The following PPP1R12A variants were observed in gnomAD, a reference collection of about 807,000 sequenced individuals.
PPP1R12A encodes the protein protein phosphatase 1 regulatory subunit 12A.
Under a neutral mutation model 139.6 loss-of-function variants are expected in PPP1R12A, and 19 were observed. That is an observed-to-expected ratio of 0.14 (90% confidence interval 0.09 to 0.20). The LOEUF is 0.20. Ranked by LOEUF, PPP1R12A falls within the 10% of genes least tolerant of loss-of-function variation. The probability of loss-of-function intolerance (pLI) is 1.00; values close to 1 mark genes in which losing one functional copy is unlikely to be tolerated. For missense variants in PPP1R12A, 925 were observed against 1,211.5 expected (o/e 0.76, Z 3.51); for synonymous variants, 427 against 420.6 (o/e 1.02, Z -0.19).
At chr12:79,778,647 C>T in intron 23 of PPP1R12A, 47 bp from the exon 24 acceptor site, 1 of 1,253,248 alleles carries the variant, frequency 8.0e-7, no homozygotes, top group Non-Finnish European at 1.1e-6. Context: ...TTATTATATT[C>T]TTAAGTCTTC....
intron 3 of PPP1R12A, among the ~76,000 whole-genome samples, chr12:79,833,833 C>A (rs1221952722): frequency 7.9e-5 from 10 of 127,092 alleles, no homozygotes; most frequent in African/African-American, 2.8e-4. Flanking sequence ...TGAGACTTTG[C>A]CTCAAAGAAA....
intron 1 of PPP1R12A, among the ~76,000 whole-genome samples, chr12:79,908,496 T>TA (rs1886306215): frequency 6.6e-6 from 1 of 152,228 alleles, no homozygotes; most frequent in South Asian, 2.1e-4. Context: ...ATAGAAGTTC[T>TA]AAACTTGGAA....
intron 1 of PPP1R12A, among the ~76,000 whole-genome samples, chr12:79,876,462 T>C (rs1217758047): frequency 6.6e-6 from 1 of 152,126 alleles, no homozygotes; most frequent in Non-Finnish European, 1.5e-5. Flanking sequence ...GTAGCTTGAA[T>C]AAGTCACACA....
At chr12:79,855,814 A>T (rs2137258280) in intron 2 of PPP1R12A, among the ~76,000 whole-genome samples, 1 of 152,234 alleles carries the variant, frequency 6.6e-6, no homozygotes, top group Non-Finnish European at 1.5e-5. Flanking sequence ...CAAACTTAAA[A>T]TTTATGTTTT....
intron 1 of PPP1R12A, among the ~76,000 whole-genome samples, chr12:79,899,412 C>T (rs550960534): frequency 2.0e-5 from 3 of 152,018 alleles, no homozygotes; most frequent in Non-Finnish European, 2.9e-5. Flanking sequence ...GAGTCAACTA[C>T]TGTTCTGGGT....
intron 8 of PPP1R12A, among the ~76,000 whole-genome samples, chr12:79,820,146 C>T (rs1447875468): frequency 6.6e-6 from 1 of 151,776 alleles, no homozygotes; most frequent in East Asian, 1.9e-4. Context: ...ACAGTGATTG[C>T]CTTTGAAGGA....
chr12:79,788,727 G>C lies in PPP1R12A; in HGVS notation c.2723C>G (p.Ser908Cys). 2 of 1,613,052 alleles carry C rather than the reference G, an allele frequency of 1.2e-6. No individual in the cohort carries two copies. Among genetic ancestry groups the C allele is most frequent in the Non-Finnish European group, 8.5e-7 (1 of 1,179,436 alleles). The change falls in exon 21 of 25, where the codon TCT becomes TGT. Residue 908 changes from serine to cysteine, a missense_variant. Ser to Cys is a moderately radical substitution (Grantham distance 112, BLOSUM62 -1). Around this residue, in one of 4 missense-constraint regions of PPP1R12A, gnomAD observed 315 missense variants for 363.4 expected, o/e 0.87. Coordinates refer to ENST00000450142, the MANE Select transcript of PPP1R12A (RefSeq NM_002480.3). ...TTCTTCTAAGTAACTGTATGATCCA[G>C]AGCGACCCAGCAAGGAATCATATCG... ...GDRYDSLLGR[S>C]GSYSYLEERK... is the part of the protein sequence containing the mutation.
chr12:79,826,551 C>T (rs1405671893), intron 5 of PPP1R12A, among the ~76,000 whole-genome samples: 2 of 151,770 alleles, frequency 1.3e-5, no homozygotes, highest in Non-Finnish European at 2.9e-5. Flanking sequence ...TATCGAATGA[C>T]AGATAAGGAG....
intron 19 of PPP1R12A, among the ~76,000 whole-genome samples, chr12:79,790,966 T>G (rs1172808347): frequency 6.6e-6 from 1 of 152,202 alleles, no homozygotes; most frequent in African/African-American, 2.4e-5. Context: ...CTAGGTTACT[T>G]TTGGGATTGT....
At chr12:79,860,761 G>T (rs944694975) in intron 2 of PPP1R12A, among the ~76,000 whole-genome samples, 1 of 152,112 alleles carries the variant, frequency 6.6e-6, no homozygotes, top group Non-Finnish European at 1.5e-5. Context: ...ATAGTAACCT[G>T]ATGGTATATT....
chr12:79,893,553 T>C (rs1238377786), intron 1 of PPP1R12A, among the ~76,000 whole-genome samples: 1 of 152,210 alleles, frequency 6.6e-6, no homozygotes, highest in Non-Finnish European at 1.5e-5. Context: ...TCTACAAGTA[T>C]GATTTAGCTT....
intron 2 of PPP1R12A, among the ~76,000 whole-genome samples, chr12:79,856,660 G>A (rs1421236646): frequency 1.3e-5 from 2 of 152,096 alleles, no homozygotes; most frequent in African/African-American, 4.8e-5. Context: ...TTTTCTTTCA[G>A]TCTTTGAGTT....
intron 1 of PPP1R12A, among the ~76,000 whole-genome samples, chr12:79,908,685 T>C (rs1304405623): frequency 6.6e-6 from 1 of 152,230 alleles, no homozygotes; most frequent in African/African-American, 2.4e-5. Context: ...TTTAAAGAAG[T>C]TAATGGAAAT....
At chr12:79,915,743 G>C (rs1232640509) in intron 1 of PPP1R12A, among the ~76,000 whole-genome samples, 3 of 152,010 alleles carry the variant, frequency 2.0e-5, no homozygotes, top group African/African-American at 4.8e-5. Context: ...CACAGGATAG[G>C]GTCAAGATTA....
intron 23 of PPP1R12A, chr12:79,780,427 A>T (rs1180327369): frequency 2.6e-5 from 4 of 152,134 alleles, no homozygotes; most frequent in African/African-American, 9.7e-5. Flanking sequence ...TGAGCTTGTC[A>T]GAGTATGAAT....
At chr12:79,826,346 T>G (rs1876762154) in intron 5 of PPP1R12A, among the ~76,000 whole-genome samples, 1 of 147,272 alleles carries the variant, frequency 6.8e-6, no homozygotes, top group Admixed American at 6.7e-5. Context: ...GGTTTTTTTT[T>G]TTTTTTTTTT....
At chr12:79,823,328 A>C (rs1191464876) in intron 5 of PPP1R12A, among the ~76,000 whole-genome samples, 1 of 152,212 alleles carries the variant, frequency 6.6e-6, no homozygotes, top group African/African-American at 2.4e-5. Flanking sequence ...ATTCTGAAAG[A>C]AAGTTAAAAT....
chr12:79,896,014 A>T (rs1326963075), intron 1 of PPP1R12A, among the ~76,000 whole-genome samples: 10 of 150,368 alleles, frequency 6.7e-5, no homozygotes, highest in African/African-American at 1.9e-4. Context: ...TTTTTTTTTT[A>T]AAAGAGGAGT....
chr12:79,808,561 C>G lies in PPP1R12A; in HGVS notation c.1472G>C (p.Gly491Ala), dbSNP rs367999544. The G allele has an allele frequency of 6.2e-7, 1 of 1,602,588 alleles. No homozygotes were observed. The highest frequency in any genetic ancestry group is 2.2e-5 in the East Asian group (1 of 44,674). The change falls in exon 11 of 25, where the codon GGA becomes GCA. Residue 491 changes from glycine to alanine, a missense_variant. Coordinates refer to ENST00000450142, the MANE Select transcript of PPP1R12A (RefSeq NM_002480.3). Reference sequence around the variant, plus strand: ...AGGTGCAACATATGCAAGCCTAGTTCCTTTACTATCTTTCTCCTACACAAC... The same window carrying G: ...AGGTGCAACATATGCAAGCCTAGTTGCTTTACTATCTTTCTCCTACACAAC... ...DNKEKEKDSK[G>A]TRLAYVAPTI...
Sources: allele counts gnomAD v4.1 joint callset (sites outside exome capture counted in the v4.1 genomes callset), GRCh38; gene constraint gnomAD v4.1.1; regional missense constraint gnomAD v4.1.1; transcripts MANE v1.5; gene names NCBI Gene and HGNC (gene_info 2026-07-23, HGNC 2026-07-21).